DIS3L2: variants seen among roughly 807,000 people sequenced by gnomAD.
DIS3L2 encodes the protein DIS3-like exonuclease 2.
A neutral mutation model predicts 97.5 loss-of-function variants in DIS3L2; 34 were observed. The ratio of observed to expected loss-of-function variants is 0.35; its 90% CI spans 0.27 to 0.46. DIS3L2 has a LOEUF of 0.46. Among genes scored for constraint, DIS3L2 ranks in the 20% least tolerant of loss-of-function variants. The probability of loss-of-function intolerance (pLI) is 1.00; values close to 1 mark genes in which losing one functional copy is unlikely to be tolerated. For synonymous variants in DIS3L2, 435 were observed against 445.2 expected (o/e 0.98, Z 0.29); for missense variants, 1,038 against 1,146.0 (o/e 0.91, Z 1.36).
chr2:232,337,439 G>T (rs1419522522), downstream of DIS3L2, among the ~76,000 whole-genome samples: 1 of 152,098 alleles, frequency 6.6e-6, no homozygotes, highest in Non-Finnish European at 1.5e-5. Flanking sequence ...CCTGGGCCTG[G>T]GGGAGGGGAG....
Position 232,219,745 on chromosome 2 carries a change from A to G in DIS3L2, c.1204+9340A>G, listed in dbSNP as rs1042471666. On this transcript the variant is annotated intron_variant, in intron 10 of 20. Coordinates refer to ENST00000325385, the MANE Select transcript of DIS3L2 (RefSeq NM_152383.5). ...GCACTGCTCTTCCCTTTTCATCCCTACAGGCTTCCACAGCAACTCATGTCT... is the reference window on the plus strand; with the variant it reads ...GCACTGCTCTTCCCTTTTCATCCCTGCAGGCTTCCACAGCAACTCATGTCT... Among the ~76,000 whole-genome samples, 7 of 151,748 alleles carry G rather than the reference A, an allele frequency of 4.6e-5. No individual in the cohort carries two copies. In the South Asian group the frequency reaches 1.3e-3, roughly 27 times the overall value.
At chr2:232,172,573 C>T in intron 9 of DIS3L2, 1 of 415,428 alleles carries the variant, frequency 2.4e-6, no homozygotes, top group African/African-American at 2.1e-5. Context: ...CCCAGCTTGA[C>T]TATTATGAAT....
intron 5 of DIS3L2, among the ~76,000 whole-genome samples, chr2:232,051,357 G>A (rs1695393827): frequency 1.3e-5 from 2 of 152,274 alleles, no homozygotes; most frequent in Non-Finnish European, 2.9e-5. Context: ...GCATACAGTA[G>A]GCAGGGAATA....
intron 14 of DIS3L2, among the ~76,000 whole-genome samples, chr2:232,327,082 G>A (rs1055607337): frequency 6.6e-6 from 1 of 152,210 alleles, no homozygotes; most frequent in Non-Finnish European, 1.5e-5. Context: ...GAGAGCGCCT[G>A]CAGGAACTGA....
chr2:232,119,990 C>T (rs190229369), intron 6 of DIS3L2, among the ~76,000 whole-genome samples: 28 of 152,248 alleles, frequency 1.8e-4, no homozygotes, highest in Admixed American at 5.2e-4. Flanking sequence ...TCATCTTACG[C>T]TCTAATATGT....
chr2:232,122,953 AC>A (rs915249334), intron 6 of DIS3L2, among the ~76,000 whole-genome samples: 9 of 152,270 alleles, frequency 5.9e-5, no homozygotes, highest in African/African-American at 2.2e-4. Flanking sequence ...AGATCTTGTG[AC>A]TCCAAAGCTC....
intron 1 of DIS3L2, among the ~76,000 whole-genome samples, chr2:231,974,517 A>C (rs1033586953): frequency 1.5e-5 from 2 of 131,042 alleles, no homozygotes. Context: ...CATGGTTTTT[A>C]TCTCTAGAAG....
intron 14 of DIS3L2, among the ~76,000 whole-genome samples, chr2:232,324,512 C>A (rs1186480575): frequency 6.6e-6 from 1 of 152,106 alleles, no homozygotes; most frequent in African/African-American, 2.4e-5. Context: ...CCCTCTGCCC[C>A]GGCTCCCGCT....
downstream of DIS3L2, among the ~76,000 whole-genome samples, chr2:232,340,111 C>T (rs1696072827): frequency 6.6e-6 from 1 of 152,214 alleles, no homozygotes; most frequent in Non-Finnish European, 1.5e-5. Context: ...CTCCTGCTGT[C>T]ACTCCCTCCT....
chr2:231,963,432 A>T (rs949305276), intron 1 of DIS3L2, among the ~76,000 whole-genome samples: 9 of 152,098 alleles, frequency 5.9e-5, no homozygotes, highest in South Asian at 4.1e-4. Context: ...GGCCATTTTT[A>T]AAAATGGGCT....
intron 10 of DIS3L2, among the ~76,000 whole-genome samples, chr2:232,226,292 G>A (rs1432608599): frequency 6.6e-6 from 1 of 152,170 alleles, no homozygotes; most frequent in East Asian, 1.9e-4. Context: ...ACCACCATAT[G>A]GTCCTTTGGT....
chr2:232,220,370 C>T (rs1398363457), intron 10 of DIS3L2, among the ~76,000 whole-genome samples: 2 of 151,530 alleles, frequency 1.3e-5, no homozygotes, highest in Non-Finnish European at 2.9e-5. Context: ...AAACAAACAC[C>T]AAGTATCTCT....
At chr2:232,190,144 A>C (rs141198526) in intron 9 of DIS3L2, among the ~76,000 whole-genome samples, 1 of 152,334 alleles carries the variant, frequency 6.6e-6, no homozygotes, top group Non-Finnish European at 1.5e-5. Context: ...CCTGGGCAAC[A>C]TGATGAGACC....
chr2:232,055,488 T>A (rs1384787776), intron 5 of DIS3L2, among the ~76,000 whole-genome samples: 1 of 152,268 alleles, frequency 6.6e-6, no homozygotes, highest in Non-Finnish European at 1.5e-5. Context: ...ATGCTAAAGA[T>A]GCTCTAACTA....
chr2:232,330,047 A>C (rs375857411), intron 15 of DIS3L2, 51 bp downstream of exon 15: 5 of 1,554,450 alleles, frequency 3.2e-6, no homozygotes, highest in Non-Finnish European at 4.4e-6. Context: ...GAAAGAAGAG[A>C]AAGACCTGGA....
At chr2:232,329,785 T>TGCCCGGGGGGGGCCCCCCC in intron 14 of DIS3L2, 28 bp from the exon 15 acceptor site, 21 of 967,096 alleles carry the variant, frequency 2.2e-5, no homozygotes, top group Admixed American at 6.8e-5. Flanking sequence ...ACCCCAGCGG[T>TGCCCGGGGGGGGCCCCCCC]CCCTCCCATC....
At chr2:232,280,687 G>A (rs149542049) in intron 13 of DIS3L2, among the ~76,000 whole-genome samples, 2 of 151,684 alleles carry the variant, frequency 1.3e-5, no homozygotes, top group African/African-American at 2.4e-5. Context: ...GGAAGGATGT[G>A]CAGCTAATGT....
chr2:232,001,038 T>G (rs1028745760), intron 1 of DIS3L2, among the ~76,000 whole-genome samples: 1 of 152,296 alleles, frequency 6.6e-6, no homozygotes, highest in East Asian at 1.9e-4. Flanking sequence ...GTCTTTTTGA[T>G]GTACTGATTT....
intron 5 of DIS3L2, among the ~76,000 whole-genome samples, chr2:232,042,525 T>C (rs1412430678): frequency 6.6e-6 from 1 of 152,172 alleles, no homozygotes; most frequent in African/African-American, 2.4e-5. Flanking sequence ...TCAAGAGTAG[T>C]ATGGTAGGTA....
Sources: gnomAD v4.1 joint callset for allele counts (sites outside exome capture counted in the v4.1 genomes callset) on GRCh38, gnomAD v4.1.1 for gene constraint, MANE v1.5 for transcripts, NCBI Gene and HGNC (gene_info 2026-07-23, HGNC 2026-07-21) for gene names.